PARD3B: variants seen among roughly 807,000 people sequenced by gnomAD.
PARD3B encodes the protein partitioning defective 3 homolog B.
PARD3B carries 103 observed loss-of-function variants against 130.2 expected under a neutral mutation model. The ratio of observed to expected loss-of-function variants is 0.79; its 90% confidence interval spans 0.67 to 0.93. The LOEUF is 0.93. Ranked by LOEUF, PARD3B falls within the 40% of genes least tolerant of loss-of-function variation. The pLI, the probability that PARD3B is intolerant of heterozygous loss-of-function variation, is 0.00. For synonymous variants in PARD3B, 583 were observed against 553.2 expected, an observed-to-expected ratio of 1.05 and a Z score of -0.76; for missense variants, 1,609 against 1,499.2, an observed-to-expected ratio of 1.07 and a Z score of -1.21.
At chr2:205,499,859 C>T (rs1307658986) in intron 20 of PARD3B, 37 bp from the exon 21 acceptor site, 2 of 1,590,678 alleles carry the variant, frequency 1.3e-6, no homozygotes, top group South Asian at 2.3e-5. Flanking sequence ...AGATGATGTA[C>T]ACTGTGTGAA....
chr2:205,522,605 T>C (rs1483593776), intron 21 of PARD3B, among the ~76,000 whole-genome samples: 1 of 152,118 alleles, frequency 6.6e-6, no homozygotes, highest in East Asian at 1.9e-4. Context: ...CCAGGCACCA[T>C]GAAGGTGCTG....
chr2:205,057,577 GTA>G lies in PARD3B; in HGVS notation c.504+9889_504+9890del, dbSNP rs555407907. Among the ~76,000 whole-genome samples, 460 of 140,336 alleles carry G rather than the reference GTA, an allele frequency of 3.3e-3. 43 individuals carry two copies. Among genetic ancestry groups the G allele is most frequent in the African/African-American group, 0.011 (423 of 38,268 alleles). The allele number at this position is 140,336 out of a possible 152,430, so 92.1% of individuals were successfully genotyped here. ...TGTATATATACATATATGTATATGT[GTA>G]TGTGTATACGTATATATACATATAT... is the stretch of plus-strand genomic sequence containing the variant. On this transcript the variant is annotated intron_variant, in intron 4 of 22. Transcript: ENST00000406610.
At chr2:205,061,069 G>A (rs1208104413) in intron 4 of PARD3B, among the ~76,000 whole-genome samples, 1 of 152,042 alleles carries the variant, frequency 6.6e-6, no homozygotes, top group African/African-American at 2.4e-5. Flanking sequence ...AGTTCTACTG[G>A]GAGTCAGAGG....
At chr2:205,402,033 A>AT in intron 19 of PARD3B, among the ~76,000 whole-genome samples, 1 of 152,332 alleles carries the variant, frequency 6.6e-6, no homozygotes, top group South Asian at 2.1e-4. Context: ...TAAGAAAATC[A>AT]TATCTATTCA....
chr2:204,811,199 C>A (rs1372097577), intron 2 of PARD3B, among the ~76,000 whole-genome samples: 1 of 151,842 alleles, frequency 6.6e-6, no homozygotes, highest in African/African-American at 2.4e-5. Flanking sequence ...TGTCCTATTT[C>A]TTCTTTATTA....
chr2:204,683,090 A>G (rs1435658825), intron 1 of PARD3B, among the ~76,000 whole-genome samples: 1 of 152,180 alleles, frequency 6.6e-6, no homozygotes, highest in Non-Finnish European at 1.5e-5. Context: ...TTAAAATTTT[A>G]GTAGCATTTA....
intron 2 of PARD3B, among the ~76,000 whole-genome samples, chr2:204,932,022 C>G (rs751220426): frequency 3.3e-5 from 5 of 151,936 alleles, no homozygotes; most frequent in African/African-American, 7.2e-5. Context: ...ATTTACCATC[C>G]CTTTGTCTAC....
At chr2:204,895,211 A>T (rs1270853094) in intron 2 of PARD3B, among the ~76,000 whole-genome samples, 1 of 152,104 alleles carries the variant, frequency 6.6e-6, no homozygotes, top group Non-Finnish European at 1.5e-5. Flanking sequence ...TATGTTAGAA[A>T]AGTAGTTTAT....
At chr2:205,260,969 T>C (rs73068915) in intron 16 of PARD3B, among the ~76,000 whole-genome samples, 1,678 of 152,162 alleles carry the variant, frequency 0.011, 17 homozygotes, top group African/African-American at 0.037. Context: ...TCCAGGTTCC[T>C]AGATTCAGCA....
intron 1 of PARD3B, among the ~76,000 whole-genome samples, chr2:204,576,716 A>G (rs530061365): frequency 7.9e-4 from 120 of 151,674 alleles, no homozygotes; most frequent in Non-Finnish European, 1.7e-3. Flanking sequence ...GTTTCTACCC[A>G]CTCCCACACA....
rs768571117 is a variant in PARD3B, at chr2:205,316,746, A to G, written c.2630+15045A>G. 5.9e-4 allele frequency among the ~76,000 whole-genome samples: 90 copies of G among 152,116 alleles called. 1 individual carries two copies. The highest frequency in any genetic ancestry group is 1.4e-3 in the Admixed American group (21 of 15,270). ...AAACCTACTCCAGGCCTTTTTTTCA[A>G]TGAGTGAATTTTCAGTGTCCTCTTT... On this transcript the variant is annotated intron_variant, in intron 18 of 22. Coordinates refer to ENST00000406610, the MANE Select transcript of PARD3B (RefSeq NM_001302769.2).
chr2:204,807,796 C>A (rs1217258783), intron 2 of PARD3B, among the ~76,000 whole-genome samples: 1 of 151,638 alleles, frequency 6.6e-6, no homozygotes, highest in Non-Finnish European at 1.5e-5. Flanking sequence ...AACAATTTAA[C>A]TTATGGAGAT....
intron 3 of PARD3B, among the ~76,000 whole-genome samples, chr2:204,990,997 T>C (rs1443173170): frequency 6.6e-6 from 1 of 152,202 alleles, no homozygotes; most frequent in Non-Finnish European, 1.5e-5. Context: ...ACAGCTATTA[T>C]AATTCTGTGA....
At chr2:205,552,544 G>T (rs1334949571) in intron 21 of PARD3B, among the ~76,000 whole-genome samples, 2 of 152,028 alleles carry the variant, frequency 1.3e-5, no homozygotes, top group South Asian at 4.2e-4. Flanking sequence ...GAGTAACTGG[G>T]ACTACAGGCG....
At chr2:204,707,661 A>G (rs557247537) in intron 2 of PARD3B, among the ~76,000 whole-genome samples, 2 of 152,266 alleles carry the variant, frequency 1.3e-5, no homozygotes, top group Admixed American at 6.5e-5. Context: ...TCCACACAGG[A>G]TTGCAATAAG....
intron 2 of PARD3B, among the ~76,000 whole-genome samples, chr2:204,847,333 G>A (rs532282026): frequency 6.6e-6 from 1 of 152,170 alleles, no homozygotes; most frequent in East Asian, 1.9e-4. Context: ...GTATACACAT[G>A]CAGAATTGAA....
At chr2:205,599,552 T>C (rs2054701506) in intron 22 of PARD3B, among the ~76,000 whole-genome samples, 1 of 152,198 alleles carries the variant, frequency 6.6e-6, no homozygotes, top group Non-Finnish European at 1.5e-5. Flanking sequence ...GTTTGCTGTC[T>C]GGGGCAAGTT....
At chr2:205,475,809 G>A (rs1164061938) in intron 20 of PARD3B, among the ~76,000 whole-genome samples, 1 of 152,148 alleles carries the variant, frequency 6.6e-6, no homozygotes, top group African/African-American at 2.4e-5. Flanking sequence ...AATGAAGTGG[G>A]CATCATATTT....
chr2:205,320,939 T>C (rs1456188799), intron 18 of PARD3B, among the ~76,000 whole-genome samples: 1 of 152,202 alleles, frequency 6.6e-6, no homozygotes, highest in Non-Finnish European at 1.5e-5. Flanking sequence ...AAGAGAAGAA[T>C]ACTCTCTTAA....
Sources: allele counts gnomAD v4.1 joint callset (sites outside exome capture counted in the v4.1 genomes callset), GRCh38; gene constraint gnomAD v4.1.1; transcripts MANE v1.5; gene names NCBI Gene and HGNC (gene_info 2026-07-23, HGNC 2026-07-21).